Variants in PBX3 observed in about 807,000 individuals in gnomAD.
The protein encoded by PBX3 is pre-B-cell leukemia transcription factor 3.
Under a neutral mutation model 48.5 loss-of-function variants are expected in PBX3, and 14 were observed. That is an observed-to-expected ratio of 0.29 (90% CI 0.19 to 0.45). The LOEUF (loss-of-function observed/expected upper bound fraction) is 0.45, where lower values mean the gene tolerates loss of function less well. Ranked by LOEUF, PBX3 falls within the 20% of genes least tolerant of loss-of-function variation. PBX3 has a pLI of 1.00. For synonymous variants in PBX3, 210 were observed against 200.3 expected, an observed-to-expected ratio of 1.05 and a Z score of -0.41; for missense variants, 386 against 546.7, an observed-to-expected ratio of 0.71 and a Z score of 2.93.
intron 2 of PBX3, among the ~76,000 whole-genome samples, chr9:125,864,343 A>G (rs370659281): frequency 1.3e-5 from 2 of 152,136 alleles, no homozygotes; most frequent in Non-Finnish European, 2.9e-5. Context: ...GCACTCCCCA[A>G]CGTTTTTGGC....
intron 2 of PBX3, among the ~76,000 whole-genome samples, chr9:125,867,705 C>G (rs1045606962): frequency 7.3e-5 from 11 of 150,722 alleles, no homozygotes; most frequent in Non-Finnish European, 1.0e-4. Context: ...ATATTGCACC[C>G]AAATCAATTA....
chr9:125,901,792 C>G (rs1424373759), intron 2 of PBX3, among the ~76,000 whole-genome samples: 3 of 151,634 alleles, frequency 2.0e-5, no homozygotes, highest in Non-Finnish European at 4.4e-5. Flanking sequence ...CAATTTGAAT[C>G]CACCTGGTGG....
At chr9:125,846,864 A>T (rs893845950) in intron 2 of PBX3, among the ~76,000 whole-genome samples, 1 of 151,992 alleles carries the variant, frequency 6.6e-6, no homozygotes, top group Non-Finnish European at 1.5e-5. Context: ...TGGTTGATAT[A>T]TCTTTTACGT....
chr9:125,962,201 A>C lies in PBX3; in HGVS notation c.1109A>C (p.Asn370Thr). Residue 370 changes from asparagine (N) to threonine (T), a missense_variant, in exon 7 of 9, where the codon AAT becomes ACT. Around this residue, in one of 4 missense-constraint regions of PBX3, gnomAD observed 127 missense variants for 143.3 expected, o/e 0.89. Coordinates refer to ENST00000373489, the MANE Select transcript of PBX3 (RefSeq NM_006195.6). ...TACCAAGGGTCCCAAGTCGGAGCCA[A>C]TGTGCAATCACAGGTAGGAGAAATG... ...DSYQGSQVGANVQSQVDTLRH... is the reference protein window; with the variant it reads ...DSYQGSQVGATVQSQVDTLRH... The C allele has an allele frequency of 6.2e-7, 1 of 1,600,966 alleles. No individual in the cohort carries two copies. Among genetic ancestry groups the C allele is most frequent in the African/African-American group, 1.3e-5 (1 of 74,744 alleles).
intron 2 of PBX3, among the ~76,000 whole-genome samples, chr9:125,763,321 GGTT>G (rs1392428691): frequency 6.6e-6 from 1 of 152,154 alleles, no homozygotes; most frequent in Non-Finnish European, 1.5e-5. Flanking sequence ...TTTTGTGTGA[GGTT>G]GTGTTGGGCA....
At chr9:125,954,681 G>A (rs539524668) in intron 5 of PBX3, among the ~76,000 whole-genome samples, 2 of 152,210 alleles carry the variant, frequency 1.3e-5, no homozygotes, top group South Asian at 2.1e-4. Flanking sequence ...GACTACAGGC[G>A]TGCACCACCA....
At chr9:125,784,273 C>T (rs1341584380) in intron 2 of PBX3, among the ~76,000 whole-genome samples, 4 of 152,102 alleles carry the variant, frequency 2.6e-5, no homozygotes, top group Admixed American at 6.6e-5. Flanking sequence ...GGATTACAGG[C>T]GTATGGCACC....
At position 125,960,767 on chromosome 9, in the gene PBX3, A is replaced by G. The variant is rs754379162; in HGVS notation, c.927A>G (p.Ala309=). The change falls in exon 6 of 9, where the codon GCA becomes GCG. Residue 309 remains alanine, a synonymous_variant. Coordinates refer to ENST00000373489, the MANE Select transcript of PBX3 (RefSeq NM_006195.6). ...KFQEEANLYA[A]KTAVTAAHAV... ...AGGAAGAAGCCAACCTCTATGCTGC[A>G]AAGACGGCCGTGACAGCTGCACACG... is the stretch of plus-strand genomic sequence containing the variant. 4 of 1,614,120 alleles carry G rather than the reference A, an allele frequency of 2.5e-6. No homozygotes were observed. The highest frequency in any genetic ancestry group is 3.4e-6 in the Non-Finnish European group (4 of 1,180,044).
chr9:125,918,853 C>A (rs748777080), intron 3 of PBX3, among the ~76,000 whole-genome samples: 29 of 152,108 alleles, frequency 1.9e-4, no homozygotes, highest in Non-Finnish European at 4.1e-4. Context: ...CCTTTCAGTT[C>A]TTTAGGGTAC....
rs74704804 is a variant in PBX3 at position 125,747,580 on chromosome 9, A to C, written c.127A>C (p.Lys43Gln). Residue 43 changes from lysine to glutamine, a missense_variant, in exon 1 of 9, where the codon AAG becomes CAG. Transcript: ENST00000373489. ...GHEGADGDGR[K>Q]QDIGDILHQI... ...CGAAGGGGCGGACGGCGACGGCAGG[A>C]AGCAGGACATCGGCGACATCCTCCA... 6 of 1,606,878 alleles carry C rather than the reference A, an allele frequency of 3.7e-6. No homozygotes were observed. The highest frequency in any genetic ancestry group is 5.1e-6 in the Non-Finnish European group (6 of 1,176,868).
intron 4 of PBX3, among the ~76,000 whole-genome samples, 179 bp from the exon 5 acceptor site, chr9:125,935,293 G>A (rs563429122): frequency 2.6e-5 from 4 of 152,312 alleles, no homozygotes; most frequent in African/African-American, 9.6e-5. Flanking sequence ...ATCTTAAAAT[G>A]AGTTGGATAA....
rs138965100 is a variant in PBX3, at chr9:125,778,605, C to CTTTTT, written c.274+29992_274+29996dup. Among the ~76,000 whole-genome samples the CTTTTT allele has an allele frequency of 9.0e-5, 12 of 132,904 alleles. 1 individual carries two copies. Among genetic ancestry groups the CTTTTT allele is most frequent in the East Asian group, 8.7e-4 (4 of 4,572 alleles). 87.2% of individuals were successfully genotyped at this position (132,904 alleles called of 152,430 possible). The stretch of plus-strand genomic sequence containing the variant: ...AGTTTATCAATTTTGTTGATCTTTT[C>CTTTTT]TTTTTTTTTTTTTTCATATTTTCTA... On this transcript the variant is annotated intron_variant, in intron 2 of 8. Transcript: ENST00000373489.
intron 2 of PBX3, among the ~76,000 whole-genome samples, chr9:125,870,014 C>T (rs988829198): frequency 2.0e-5 from 3 of 150,638 alleles, no homozygotes; most frequent in East Asian, 1.9e-4. Flanking sequence ...ACAATCATGG[C>T]GAAAGGCACA....
At chr9:125,749,208 C>T (rs1473875688) in intron 2 of PBX3, 1 of 152,440 alleles carries the variant, frequency 6.6e-6, no homozygotes, top group African/African-American at 2.4e-5. Flanking sequence ...ATTCTGAAGT[C>T]ATTACACTTG....
chr9:125,790,609 C>T (rs1837574109), intron 2 of PBX3, among the ~76,000 whole-genome samples: 1 of 152,044 alleles, frequency 6.6e-6, no homozygotes, highest in African/African-American at 2.4e-5. Flanking sequence ...TGTTCTGTCA[C>T]CCAGGCTGGA....
chr9:125,870,186 A>T (rs920609102), intron 2 of PBX3, among the ~76,000 whole-genome samples: 1 of 151,714 alleles, frequency 6.6e-6, no homozygotes, highest in African/African-American at 2.4e-5. Context: ...CTCCTGCCTC[A>T]GCCTTCCAAG....
intron 2 of PBX3, among the ~76,000 whole-genome samples, chr9:125,882,017 A>G (rs768919091): frequency 9.9e-5 from 15 of 152,012 alleles, no homozygotes; most frequent in South Asian, 2.1e-4. Flanking sequence ...GCTGGGCAAC[A>G]TAATGAGACT....
intron 2 of PBX3, among the ~76,000 whole-genome samples, chr9:125,754,823 CTT>C (rs1298633063): frequency 6.6e-6 from 1 of 151,892 alleles, no homozygotes; most frequent in Non-Finnish European, 1.5e-5. Flanking sequence ...ATTGGCGTAA[CTT>C]TTTTTGTATA....
intron 2 of PBX3, among the ~76,000 whole-genome samples, chr9:125,836,269 T>C (rs945994853): frequency 6.6e-6 from 1 of 151,964 alleles, no homozygotes; most frequent in Admixed American, 6.6e-5. Flanking sequence ...CATGGTGAAA[T>C]CCCATCTCTA....
Sources: allele counts gnomAD v4.1 joint callset (sites outside exome capture counted in the v4.1 genomes callset), GRCh38; gene constraint gnomAD v4.1.1; regional missense constraint gnomAD v4.1.1; transcripts MANE v1.5; gene names NCBI Gene and HGNC (gene_info 2026-07-23, HGNC 2026-07-21).